Variants in KPNA5 observed in about 807,000 individuals in gnomAD.
KPNA5 encodes the protein karyopherin subunit alpha 5.
In KPNA5, 46 loss-of-function variants were observed where a neutral mutation model predicts 71.3. That is an observed-to-expected ratio of 0.65 (90% CI 0.51 to 0.83). The LOEUF is 0.83. Among genes scored for constraint, KPNA5 ranks in the 40% least tolerant of loss-of-function variants. The pLI is 0.00. For missense variants in KPNA5, 547 were observed against 628.3 expected (o/e 0.87, Z 1.38); for synonymous variants, 207 against 201.4 (o/e 1.03, Z -0.24).
At chr6:116,704,309 A>C (rs1283399285) in intron 6 of KPNA5, among the ~76,000 whole-genome samples, 1 of 152,162 alleles carries the variant, frequency 6.6e-6, no homozygotes, top group African/African-American at 2.4e-5. Context: ...AAGTGCTGGA[A>C]TTACAGGCAT....
chr6:116,682,417 C>G (rs375954461), intron 1 of KPNA5, among the ~76,000 whole-genome samples: 4 of 152,196 alleles, frequency 2.6e-5, no homozygotes, highest in Non-Finnish European at 5.9e-5. Flanking sequence ...AATGATTTAT[C>G]TCTCAATTAC....
At chr6:116,698,057 A>G (rs888377180) in intron 4 of KPNA5, among the ~76,000 whole-genome samples, 4 of 152,044 alleles carry the variant, frequency 2.6e-5, no homozygotes, top group African/African-American at 9.6e-5. Flanking sequence ...TAGGGAAGTT[A>G]CTGAAGAACC....
intron 1 of KPNA5, among the ~76,000 whole-genome samples, chr6:116,683,101 G>A (rs999774606): frequency 6.6e-6 from 1 of 152,218 alleles, no homozygotes; most frequent in East Asian, 1.9e-4. Context: ...GTATGTGTGC[G>A]TGGTGGGGCA....
At chr6:116,714,964 C>T (rs980027556) in intron 7 of KPNA5, among the ~76,000 whole-genome samples, 37 of 152,224 alleles carry the variant, frequency 2.4e-4, no homozygotes, top group African/African-American at 7.7e-4. Flanking sequence ...GAGGGGGTTG[C>T]GTAAGAGTAG....
At chr6:116,710,989 G>C (rs551782441) in intron 7 of KPNA5, among the ~76,000 whole-genome samples, 46 of 148,030 alleles carry the variant, frequency 3.1e-4, no homozygotes, top group African/African-American at 1.1e-3. Context: ...CTGCCTCCCG[G>C]GTTCAAGCGA....
At chr6:116,704,628 G>A (rs1040668625) in intron 6 of KPNA5, among the ~76,000 whole-genome samples, 39 of 151,540 alleles carry the variant, frequency 2.6e-4, no homozygotes, top group African/African-American at 8.7e-4. Flanking sequence ...TCGCTCTGTT[G>A]CCCAAGGTGG....
chr6:116,711,344 T>C (rs1051701072), intron 7 of KPNA5, among the ~76,000 whole-genome samples: 4 of 151,938 alleles, frequency 2.6e-5, no homozygotes, highest in African/African-American at 9.7e-5. Context: ...TCTCTGGTCT[T>C]AACTTTATTT....
chr6:116,698,607 G>T, intron 4 of KPNA5, 97 bp from the exon 5 acceptor site: 1 of 672,512 alleles, frequency 1.5e-6, no homozygotes. Flanking sequence ...GGGAAACCTA[G>T]GAAAGAGTTA....
intron 8 of KPNA5, 151 bp downstream of exon 8, chr6:116,716,469 T>G (rs1415022329): frequency 3.1e-6 from 2 of 655,358 alleles, no homozygotes; most frequent in East Asian, 5.7e-5. Context: ...TTCAAAAGCT[T>G]TACAATATAA....
chr6:116,686,057 A>T (rs577076316), intron 1 of KPNA5, among the ~76,000 whole-genome samples: 7 of 151,998 alleles, frequency 4.6e-5, no homozygotes, highest in African/African-American at 1.7e-4. Context: ...GTCACGTGCC[A>T]CCATGCCTGG....
intron 1 of KPNA5, among the ~76,000 whole-genome samples, chr6:116,682,919 A>T (rs1226829170): frequency 6.6e-6 from 1 of 152,214 alleles, no homozygotes; most frequent in Admixed American, 6.5e-5. Flanking sequence ...CTTTAAAGCA[A>T]CTGCAGTGAG....
intron 4 of KPNA5, among the ~76,000 whole-genome samples, 199 bp downstream of exon 4, chr6:116,692,591 C>T (rs376778223): frequency 2.0e-5 from 3 of 151,516 alleles, no homozygotes; most frequent in Admixed American, 6.6e-5. Context: ...GTAGAAAAAT[C>T]GTAAAAATAT....
intron 8 of KPNA5, among the ~76,000 whole-genome samples, chr6:116,717,655 G>T (rs1488514201): frequency 6.6e-6 from 1 of 152,198 alleles, no homozygotes; most frequent in African/African-American, 2.4e-5. Context: ...GGAAAGAAAG[G>T]AAAGTACGCT....
chr6:116,710,019 A>G (rs907442944), intron 7 of KPNA5, among the ~76,000 whole-genome samples: 2 of 152,126 alleles, frequency 1.3e-5, no homozygotes, highest in African/African-American at 4.8e-5. Flanking sequence ...TCGACCTCCC[A>G]AGGTGCTGGG....
intron 13 of KPNA5, 57 bp from the exon 14 acceptor site, chr6:116,732,079 T>TATATATA: frequency 3.5e-5 from 1 of 28,370 alleles, no homozygotes; most frequent in African/African-American, 1.7e-4. Context: ...TTTGTTTATA[T>TATATATA]ATATATATAT....
intron 8 of KPNA5, among the ~76,000 whole-genome samples, chr6:116,721,353 A>G (rs188435529): frequency 2.0e-5 from 3 of 152,086 alleles, no homozygotes; most frequent in African/African-American, 7.2e-5. Flanking sequence ...GGGTTTCTCC[A>G]TGTTGGTCAG....
At chr6:116,686,219 A>G (rs1013122978) in intron 1 of KPNA5, among the ~76,000 whole-genome samples, 13 of 151,984 alleles carry the variant, frequency 8.6e-5, no homozygotes, top group Non-Finnish European at 1.8e-4. Flanking sequence ...TACCTGGCTC[A>G]TTTTGACCTT....
chr6:116,726,349 C>A, intron 11 of KPNA5, 146 bp from the exon 12 acceptor site: 1 of 620,190 alleles, frequency 1.6e-6, no homozygotes, highest in Non-Finnish European at 2.6e-6. Flanking sequence ...GAAAAGTTTG[C>A]TGACAGAATA....
In KPNA5 at chr6:116,734,628, T is replaced by G. The variant is rs1779605327; in HGVS notation, c.*2305T>G. ...AGTTTATTGGATCAAGACTAACAAA[T>G]AACTTTGTGATGAAAATTCTTCAAA... On this transcript the variant is annotated 3_prime_UTR_variant, in exon 14 of 14. Coordinates refer to ENST00000368564, the MANE Select transcript of KPNA5 (RefSeq NM_001366306.2). The G allele has an allele frequency of 1.3e-5, 2 of 149,394 alleles. No homozygotes were observed. The highest frequency in any genetic ancestry group is 1.3e-4 in the Admixed American group (2 of 14,876). 9.3% of individuals were successfully genotyped at this position (149,394 alleles called of 1,614,324 possible).
Sources: gnomAD v4.1 joint callset for allele counts (sites outside exome capture counted in the v4.1 genomes callset) on GRCh38, gnomAD v4.1.1 for gene constraint, MANE v1.5 for transcripts, NCBI Gene and HGNC (gene_info 2026-07-23, HGNC 2026-07-21) for gene names.